MLLT11: variants seen among roughly 807,000 people sequenced by gnomAD.
The protein encoded by MLLT11 is MLLT11 transcription factor 7 cofactor.
In MLLT11, 1 loss-of-function variant was observed where a neutral mutation model predicts 5.3. The observed-to-expected ratio is 0.19, with a 90% confidence interval of 0.07 to 0.89. MLLT11 has a LOEUF of 0.89. Ranked by LOEUF, MLLT11 falls within the 40% of genes least tolerant of loss-of-function variation. The pLI, the probability that MLLT11 is intolerant of heterozygous loss-of-function variation, is 0.67. For synonymous variants in MLLT11, 38 were observed against 41.7 expected (o/e 0.91, Z 0.34); for missense variants, 87 against 107.3 (o/e 0.81, Z 0.83).
In MLLT11 at chr1:151,069,274, T is replaced by C. The variant is rs933918361; in HGVS notation, c.*1777T>C. Among the ~76,000 whole-genome samples the C allele has an allele frequency of 6.6e-6, 1 of 152,234 alleles. No individual in the cohort carries two copies. Among genetic ancestry groups the C allele is most frequent in the Middle Eastern group, 3.4e-3 (1 of 294 alleles). On this transcript the variant is annotated 3_prime_UTR_variant, in exon 2 of 2. Transcript: ENST00000368921. ...GATAGGACAGAATTGGGCAGTGTAC[T>C]ATAAATAAGGATGACACTATACCCT...
At chr1:151,064,444 A>C (rs918983117) in intron 1 of MLLT11, among the ~76,000 whole-genome samples, 4 of 152,188 alleles carry the variant, frequency 2.6e-5, no homozygotes, top group African/African-American at 9.7e-5. Flanking sequence ...ATAGTGAGGG[A>C]AAGTTAATCA....
intron 1 of MLLT11, among the ~76,000 whole-genome samples, chr1:151,066,774 C>T (rs953131668): frequency 6.6e-6 from 1 of 151,578 alleles, no homozygotes; most frequent in African/African-American, 2.4e-5. Flanking sequence ...AAATACAAAA[C>T]ATTGGCCGGG....
At chr1:151,063,464 C>T (rs1479851371) in intron 1 of MLLT11, among the ~76,000 whole-genome samples, 10 of 152,026 alleles carry the variant, frequency 6.6e-5, no homozygotes, top group Non-Finnish European at 8.8e-5. Flanking sequence ...CTTGCTCTTT[C>T]GCCCAGGCTG....
At chr1:151,061,853 G>C (rs1206130113) in intron 1 of MLLT11, among the ~76,000 whole-genome samples, 2 of 152,068 alleles carry the variant, frequency 1.3e-5, no homozygotes, top group Non-Finnish European at 2.9e-5. Context: ...TGTCTTTCTT[G>C]AATGTATTTG....
chr1:151,061,227 C>T (rs1005409997), intron 1 of MLLT11, among the ~76,000 whole-genome samples: 1 of 152,040 alleles, frequency 6.6e-6, no homozygotes, highest in Admixed American at 6.6e-5. Flanking sequence ...GTAGGAAAAT[C>T]CAAGCTCTGA....
In MLLT11 at chr1:151,068,025, CT is replaced by C. The variant is rs1172550451; in HGVS notation, c.*536del. On this transcript the variant is annotated 3_prime_UTR_variant, in exon 2 of 2. Coordinates refer to ENST00000368921, the MANE Select transcript of MLLT11 (RefSeq NM_006818.4). Reference sequence around the variant, plus strand: ...TTTTTTTTGATCCTGCTCTTATATTCTTTTTTTTCCTCAGAGAAATCAGGAG... The same window carrying C: ...TTTTTTTTGATCCTGCTCTTATATTCTTTTTTTCCTCAGAGAAATCAGGAG... The C allele has an allele frequency of 2.1e-5, 5 of 242,090 alleles. No homozygotes were observed. The highest frequency in any genetic ancestry group is 5.7e-5 in the Admixed American group (1 of 17,600). 15.0% of individuals were successfully genotyped at this position (242,090 alleles called of 1,614,324 possible).
In MLLT11 at chr1:151,067,599, G is replaced by A. The variant is rs1307506935; in HGVS notation, c.*102G>A. 2.7e-5 allele frequency: 35 copies of A among 1,274,012 alleles called. No homozygotes were observed. Among genetic ancestry groups the A allele is most frequent in the Admixed American group, 4.2e-5 (2 of 47,944 alleles). The allele number at this position is 1,274,012 out of a possible 1,614,324, so 78.9% of individuals were successfully genotyped here. On this transcript the variant is annotated 3_prime_UTR_variant, in exon 2 of 2. Transcript: ENST00000368921. The stretch of plus-strand genomic sequence containing the variant: ...ATTTTAATCTTGTTCTCTCCCTACT[G>A]TGTTGGTGGTGCTGATGAATCTGCC...
intron 1 of MLLT11, among the ~76,000 whole-genome samples, chr1:151,066,687 G>A (rs2102981158): frequency 6.6e-6 from 1 of 152,274 alleles, no homozygotes; most frequent in South Asian, 2.1e-4. Flanking sequence ...CACTTTGGGA[G>A]GCCGAAGCAG....
At chr1:151,063,222 G>A (rs587686469) in intron 1 of MLLT11, among the ~76,000 whole-genome samples, 1 of 152,150 alleles carries the variant, frequency 6.6e-6, no homozygotes, top group South Asian at 2.1e-4. Flanking sequence ...TTCTGCCTTA[G>A]TACAGTCATT....
At chr1:151,065,820 T>TG (rs1478254457) in intron 1 of MLLT11, among the ~76,000 whole-genome samples, 3 of 152,052 alleles carry the variant, frequency 2.0e-5, no homozygotes, top group Non-Finnish European at 1.5e-5. Context: ...TCTATAGACT[T>TG]GGAGTTTTTT....
chr1:151,066,591 G>C (rs1393996544), intron 1 of MLLT11, among the ~76,000 whole-genome samples: 1 of 152,182 alleles, frequency 6.6e-6, no homozygotes, highest in East Asian at 1.9e-4. Flanking sequence ...TGATGCAATA[G>C]ATGGTAAATA....
intron 1 of MLLT11, among the ~76,000 whole-genome samples, chr1:151,063,171 C>T (rs1187761795): frequency 6.6e-6 from 1 of 152,224 alleles, no homozygotes; most frequent in Admixed American, 6.5e-5. Flanking sequence ...GAAGCCCCCA[C>T]ACTCTCACAC....
At chr1:151,064,058 G>T (rs778179250) in intron 1 of MLLT11, among the ~76,000 whole-genome samples, 1 of 151,384 alleles carries the variant, frequency 6.6e-6, no homozygotes, top group East Asian at 1.9e-4. Flanking sequence ...TTTCGCTCTT[G>T]TTGCCCAGGC....
Position 151,067,447 on chromosome 1 carries a change from T to G in MLLT11, c.223T>G (p.Trp75Gly), listed in dbSNP as rs755781880. ...GLLEYSTFNFWRAPIASIHSF... is the reference protein window; with the variant it reads ...GLLEYSTFNFGRAPIASIHSF... ...CCTTGAGTACAGCACCTTCAACTTCTGGAGAGCTCCCATTGCCAGCATCCA... is the reference window on the plus strand; with the variant it reads ...CCTTGAGTACAGCACCTTCAACTTCGGGAGAGCTCCCATTGCCAGCATCCA... Residue 75 changes from tryptophan to glycine, a missense_variant, in exon 2 of 2, where the codon TGG becomes GGG. Transcript: ENST00000368921. The G allele has an allele frequency of 1.2e-6, 2 of 1,614,172 alleles. No individual in the cohort carries two copies. The highest frequency in any genetic ancestry group is 3.3e-5 in the Admixed American group (2 of 60,014).
At chr1:151,063,642 G>C (rs963724493) in intron 1 of MLLT11, among the ~76,000 whole-genome samples, 1 of 152,074 alleles carries the variant, frequency 6.6e-6, no homozygotes, top group Non-Finnish European at 1.5e-5. Context: ...AGCCAGGATG[G>C]TCTCGATCTC....
rs1314169281 is a variant in MLLT11 at position 151,068,819 on chromosome 1, A to G, written c.*1322A>G. The stretch of plus-strand genomic sequence containing the variant: ...AGGCTGGTCTCTAACTCCTGACCTC[A>G]GGTGATCTGCCCGCCTTAGCCTCTC... On this transcript the variant is annotated 3_prime_UTR_variant, in exon 2 of 2. Transcript: ENST00000368921. 1.3e-5 allele frequency among the ~76,000 whole-genome samples: 2 copies of G among 152,194 alleles called. No homozygotes were observed. The highest frequency in any genetic ancestry group is 2.9e-5 in the Non-Finnish European group (2 of 68,038).
chr1:151,065,708 G>A lies in MLLT11; in HGVS notation c.-6-1511G>A, dbSNP rs192429143. Among the ~76,000 whole-genome samples the A allele has an allele frequency of 5.2e-3, 797 of 152,352 alleles. 3 individuals carry two copies. Among genetic ancestry groups the A allele is most frequent in the Admixed American group, 8.1e-3 (124 of 15,306 alleles). ...GAAAATAGAAAGCAGAAAAGTCACG[G>A]AAGGTCTTTTCACACATACCATGAG... On this transcript the variant is annotated intron_variant, in intron 1 of 1. Transcript: ENST00000368921.
At chr1:151,067,188 G>C (rs1214253325) in intron 1 of MLLT11, 31 bp from the exon 2 acceptor site, 1 of 1,599,334 alleles carries the variant, frequency 6.3e-7, no homozygotes, top group Non-Finnish European at 8.5e-7. Flanking sequence ...AGTTGCTGTA[G>C]CATGAAGACT....
rs41266626 is a variant in MLLT11 at position 151,067,437 on chromosome 1, C to T, written c.213C>T (p.Thr71=). 4.7e-3 allele frequency: 7,646 copies of T among 1,614,138 alleles called. 31 individuals are homozygous for T. The highest frequency in any genetic ancestry group is 0.01 in the Middle Eastern group (63 of 6,058). The change falls in exon 2 of 2, where the codon ACC becomes ACT. Residue 71 remains threonine (T), a synonymous_variant. Transcript: ENST00000368921. ...GTGATGGCCTCCTTGAGTACAGCAC[C>T]TTCAACTTCTGGAGAGCTCCCATTG... The part of the protein sequence containing the change: ...PEGDGLLEYS[T]FNFWRAPIAS...
Sources: allele counts gnomAD v4.1 joint callset (sites outside exome capture counted in the v4.1 genomes callset), GRCh38; gene constraint gnomAD v4.1.1; transcripts MANE v1.5; gene names NCBI Gene and HGNC (gene_info 2026-07-23, HGNC 2026-07-21).